The following CYP19A1 variants were observed in gnomAD, a reference collection of about 807,000 sequenced individuals.
CYP19A1 encodes the protein aromatase.
Under a neutral mutation model 44.4 loss-of-function variants are expected in CYP19A1, and 32 were observed. The observed-to-expected ratio is 0.72, with a 90% CI of 0.54 to 0.97. The LOEUF is 0.97. CYP19A1 is among the 50% of genes least tolerant of loss of function. The pLI is 0.00. For missense variants in CYP19A1, 598 were observed against 637.8 expected, an observed-to-expected ratio of 0.94 and a Z score of 0.67; for synonymous variants, 212 against 215.6, an observed-to-expected ratio of 0.98 and a Z score of 0.14.
chr15:51,287,318 G>T (rs913412015), intron 1 of CYP19A1, among the ~76,000 whole-genome samples: 1 of 152,172 alleles, frequency 6.6e-6, no homozygotes, highest in Non-Finnish European at 1.5e-5. Context: ...TTGCTGCGGG[G>T]TTCACCCTAT....
intron 1 of CYP19A1, among the ~76,000 whole-genome samples, chr15:51,284,483 T>C (rs1175147297): frequency 6.6e-6 from 1 of 152,222 alleles, no homozygotes; most frequent in Admixed American, 6.5e-5. Context: ...TTATTACACC[T>C]ATTCCTGTCA....
intron 1 of CYP19A1, among the ~76,000 whole-genome samples, chr15:51,304,890 C>CATTTTTTTTTTTTTTTTTTTT (rs1555398466): frequency 9.6e-6 from 1 of 104,572 alleles, no homozygotes. Flanking sequence ...GTGTCTCTTC[C>CATTTTTTTTTTTTTTTTTTTT]TTTTTTTTTT....
intron 1 of CYP19A1, among the ~76,000 whole-genome samples, chr15:51,294,388 G>T (rs2035927962): frequency 6.7e-6 from 1 of 149,962 alleles, no homozygotes; most frequent in Admixed American, 6.6e-5. Flanking sequence ...GGTGAGGAGT[G>T]TCTCTGCCCG....
chr15:51,243,572 G>A (rs2033908569), intron 1 of CYP19A1, among the ~76,000 whole-genome samples: 1 of 152,124 alleles, frequency 6.6e-6, no homozygotes, highest in Non-Finnish European at 1.5e-5. Context: ...AAAATCTCTT[G>A]TACCATGGGC....
At chr15:51,219,748 T>C (rs1348286085) in intron 5 of CYP19A1, among the ~76,000 whole-genome samples, 6 of 152,220 alleles carry the variant, frequency 3.9e-5, no homozygotes, top group African/African-American at 1.4e-4. Context: ...CAAAAATGAA[T>C]GGAGAGATTT....
intron 1 of CYP19A1, among the ~76,000 whole-genome samples, chr15:51,299,240 C>T (rs1284742529): frequency 4.6e-5 from 7 of 152,238 alleles, no homozygotes; most frequent in Non-Finnish European, 4.4e-5. Flanking sequence ...AATAAATTCA[C>T]ACTCATCCCC....
At chr15:51,215,568 G>A in intron 7 of CYP19A1, 135 bp downstream of exon 7, 2 of 1,545,476 alleles carry the variant, frequency 1.3e-6, no homozygotes, top group Non-Finnish European at 1.7e-6. Context: ...GGGCTATTTG[G>A]ATTGGGATTA....
chr15:51,294,507 C>T (rs1338450406), intron 1 of CYP19A1, among the ~76,000 whole-genome samples: 2 of 150,420 alleles, frequency 1.3e-5, no homozygotes, highest in Non-Finnish European at 3.0e-5. Context: ...TGAGGAGCCC[C>T]TCCGCCCGGC....
chr15:51,212,061 C>T lies in CYP19A1; in HGVS notation c.1263+259G>A, dbSNP rs556097885. ...CTTCATTTTAGCCAAATGAAGGGCCCAGCTTTTTCACATTTTGACCTATTT... is the reference window on the plus strand; with the variant it reads ...CTTCATTTTAGCCAAATGAAGGGCCTAGCTTTTTCACATTTTGACCTATTT... On this transcript the variant is annotated intron_variant, in intron 9 of 9. Transcript: ENST00000396402. Among the ~76,000 whole-genome samples the T allele has an allele frequency of 1.5e-4, 23 of 152,212 alleles. 1 individual carries two copies. The highest frequency in any genetic ancestry group is 5.3e-4 in the African/African-American group (22 of 41,512).
intron 1 of CYP19A1, among the ~76,000 whole-genome samples, chr15:51,294,634 G>A (rs1398394621): frequency 8.0e-5 from 11 of 137,614 alleles, no homozygotes; most frequent in African/African-American, 3.1e-4. Context: ...GGGAGGTGGG[G>A]GGGTCAGCCC....
chr15:51,269,357 T>A (rs1274160294), intron 1 of CYP19A1, among the ~76,000 whole-genome samples: 1 of 152,216 alleles, frequency 6.6e-6, no homozygotes, highest in Non-Finnish European at 1.5e-5. Context: ...CTGGATTTTC[T>A]GTTCTGTTCC....
At chr15:51,300,907 A>G (rs925141407) in intron 1 of CYP19A1, among the ~76,000 whole-genome samples, 1 of 152,172 alleles carries the variant, frequency 6.6e-6, no homozygotes, top group Non-Finnish European at 1.5e-5. Context: ...GGACACCAAT[A>G]TTATTGAAGG....
At chr15:51,338,184 T>C (rs1318408631) in intron 1 of CYP19A1, among the ~76,000 whole-genome samples, 52 of 152,168 alleles carry the variant, frequency 3.4e-4, no homozygotes, top group Non-Finnish European at 4.4e-5. Flanking sequence ...AGGCTACCAC[T>C]TCCTCTCCTC....
chr15:51,262,592 C>A (rs569639486), intron 1 of CYP19A1, among the ~76,000 whole-genome samples: 1 of 152,314 alleles, frequency 6.6e-6, no homozygotes, highest in East Asian at 1.9e-4. Context: ...TTTGCCATGT[C>A]ATGCCTGGAC....
chr15:51,302,369 C>T (rs1422002316), intron 1 of CYP19A1, among the ~76,000 whole-genome samples: 2 of 152,234 alleles, frequency 1.3e-5, no homozygotes, highest in Admixed American at 6.5e-5. Flanking sequence ...GTGTCATTGG[C>T]TCCACCTGCG....
chr15:51,276,767 T>A (rs28757132), intron 1 of CYP19A1, among the ~76,000 whole-genome samples: 1 of 152,314 alleles, frequency 6.6e-6, no homozygotes, highest in East Asian at 1.9e-4. Flanking sequence ...CTGCCTGAAG[T>A]CGGTAGCAGT....
At chr15:51,320,607 G>A (rs2036511107) in intron 1 of CYP19A1, among the ~76,000 whole-genome samples, 1 of 152,162 alleles carries the variant, frequency 6.6e-6, no homozygotes, top group African/African-American at 2.4e-5. Context: ...AATCTGGGAA[G>A]ACACCAAATC....
At chr15:51,226,744 C>T (rs986404868) in intron 4 of CYP19A1, among the ~76,000 whole-genome samples, 19 of 151,336 alleles carry the variant, frequency 1.3e-4, no homozygotes, top group Admixed American at 5.2e-4. Flanking sequence ...AAGGGTTAGT[C>T]GTGTGTATTC....
At chr15:51,282,576 C>T (rs573728853) in intron 1 of CYP19A1, among the ~76,000 whole-genome samples, 2 of 152,356 alleles carry the variant, frequency 1.3e-5, no homozygotes, top group African/African-American at 4.8e-5. Context: ...AGCCTCCATA[C>T]TTGCGTTGGC....
Sources: gnomAD v4.1 joint callset for allele counts (sites outside exome capture counted in the v4.1 genomes callset) on GRCh38, gnomAD v4.1.1 for gene constraint, MANE v1.5 for transcripts, NCBI Gene and HGNC (gene_info 2026-07-23, HGNC 2026-07-21) for gene names.